The following RBFOX1 variants were observed in gnomAD, a reference collection of about 807,000 sequenced individuals.
RBFOX1 encodes RNA binding fox-1 homolog 1, also known as RNA binding protein fox-1 homolog 1.
Under a neutral mutation model 57.7 loss-of-function variants are expected in RBFOX1, and 8 were observed. The observed-to-expected ratio is 0.14, with a 90% confidence interval of 0.08 to 0.25. The LOEUF is 0.25. Ranked by LOEUF, RBFOX1 falls within the 10% of genes least tolerant of loss-of-function variation. The pLI, the probability that RBFOX1 is intolerant of heterozygous loss-of-function variation, is 1.00. For missense variants in RBFOX1, 611 were observed against 548.5 expected (o/e 1.11, Z -1.14); for synonymous variants, 326 against 222.4 (o/e 1.47, Z -4.15).
intron 1 of RBFOX1, among the ~76,000 whole-genome samples, chr16:6,164,299 A>T (rs560584408): frequency 6.6e-6 from 1 of 152,150 alleles, no homozygotes; most frequent in East Asian, 1.9e-4. Context: ...GCCTGATAAT[A>T]CTATAAATAA....
chr16:5,826,367 T>C (rs2056056068), intron 3 of RBFOX1, among the ~76,000 whole-genome samples: 1 of 152,162 alleles, frequency 6.6e-6, no homozygotes, highest in Admixed American at 6.5e-5. Context: ...TGTCCAGCTG[T>C]TTTCATTCCA....
rs549338440 is a variant in RBFOX1 at position 5,768,065 on chromosome 16, C to T, written c.319-99238C>T. 5.3e-5 allele frequency among the ~76,000 whole-genome samples: 8 copies of T among 152,314 alleles called. No individual in the cohort carries two copies. The East Asian group carries it at 1.5e-3, about 29-fold the overall frequency. On this transcript the variant is annotated intron_variant, in intron 3 of 19. Coordinates refer to the RBFOX1 transcript ENST00000641259. ...ATCCAAAAATAACCCATTTCTATTTCCAAGAGTAGACTGCATTTAAATAAG... is the reference window on the plus strand; with the variant it reads ...ATCCAAAAATAACCCATTTCTATTTTCAAGAGTAGACTGCATTTAAATAAG...
chr16:5,375,396 C>G (rs62017737), intron 1 of RBFOX1, among the ~76,000 whole-genome samples: 5,849 of 152,256 alleles, frequency 0.038, 173 homozygotes, highest in Middle Eastern at 0.075. Flanking sequence ...GAGACTGAAT[C>G]TCCAGGGCTT....
At chr16:6,784,804 C>T in intron 3 of RBFOX1, among the ~76,000 whole-genome samples, 1 of 151,778 alleles carries the variant, frequency 6.6e-6, no homozygotes, top group East Asian at 1.9e-4. Flanking sequence ...ATTTAGCCAT[C>T]TTGTTCCACC....
At chr16:5,871,662 A>C (rs1282285683) in intron 4 of RBFOX1, among the ~76,000 whole-genome samples, 1 of 152,160 alleles carries the variant, frequency 6.6e-6, no homozygotes, top group African/African-American at 2.4e-5. Context: ...CAAAGATCTG[A>C]GACCCAGCCC....
intron 2 of RBFOX1, among the ~76,000 whole-genome samples, chr16:5,583,099 C>G (rs1209513978): frequency 6.6e-6 from 1 of 152,224 alleles, no homozygotes; most frequent in Non-Finnish European, 1.5e-5. Flanking sequence ...ACTTTGAACC[C>G]TGGCAGTTTG....
chr16:6,909,737 G>T (rs975913636), intron 3 of RBFOX1, among the ~76,000 whole-genome samples: 2 of 151,364 alleles, frequency 1.3e-5, no homozygotes, highest in African/African-American at 4.9e-5. Context: ...GACTGTTGTT[G>T]GTTTCACTTT....
intron 2 of RBFOX1, among the ~76,000 whole-genome samples, chr16:6,643,482 G>T (rs916549863): frequency 3.9e-5 from 6 of 152,126 alleles, no homozygotes; most frequent in African/African-American, 1.4e-4. Flanking sequence ...AGACTCTGAA[G>T]AATTCTGCTG....
rs556221551 is a variant in RBFOX1, at chr16:6,091,023, C to T, written c.-127+71031C>T. 8.5e-5 allele frequency among the ~76,000 whole-genome samples: 13 copies of T among 152,322 alleles called. No homozygotes were observed. The East Asian group carries it at 1.9e-3, about 23-fold the overall frequency. On this transcript the variant is annotated intron_variant, in intron 1 of 15. Transcript: ENST00000550418. ...AAGTTAGGGTATTTAAGATATTCAT[C>T]GCTTTGAACATTGATCAATTCTTTC...
At chr16:5,956,551 G>C (rs759832338) in intron 4 of RBFOX1, among the ~76,000 whole-genome samples, 1 of 150,906 alleles carries the variant, frequency 6.6e-6, no homozygotes, top group African/African-American at 2.4e-5. Context: ...GATTAAGTTA[G>C]ATGTGGGGTG....
chr16:6,918,935 C>G lies in RBFOX1; in HGVS notation c.-15-133122C>G, dbSNP rs796910685. On this transcript the variant is annotated intron_variant, in intron 3 of 15. Coordinates refer to ENST00000550418, the MANE Select transcript of RBFOX1 (RefSeq NM_018723.4). ...TGGCTGTGATCTAGTTACGCAGGGTCCTATTTCAAACACCATTTCTCCATT... is the reference window on the plus strand; with the variant it reads ...TGGCTGTGATCTAGTTACGCAGGGTGCTATTTCAAACACCATTTCTCCATT... Among the ~76,000 whole-genome samples the G allele has an allele frequency of 2.0e-5, 3 of 152,000 alleles. No individual in the cohort carries two copies. The East Asian group carries it at 5.8e-4, about 29-fold the overall frequency.
At chr16:7,675,557 G>C (rs1036615230) in intron 13 of RBFOX1, among the ~76,000 whole-genome samples, 8 of 152,188 alleles carry the variant, frequency 5.3e-5, no homozygotes, top group African/African-American at 1.9e-4. Flanking sequence ...TATTTACTCT[G>C]AAAGTTAACT....
At chr16:7,523,844 C>T (rs1600824471) in intron 5 of RBFOX1, among the ~76,000 whole-genome samples, 2 of 152,160 alleles carry the variant, frequency 1.3e-5, no homozygotes, top group East Asian at 1.9e-4. Flanking sequence ...ACCAGCAGAA[C>T]GTGGTCTATG....
chr16:6,092,672 C>T (rs748566696), intron 1 of RBFOX1: 22 of 152,130 alleles, frequency 1.4e-4, no homozygotes, highest in Non-Finnish European at 2.8e-4. Flanking sequence ...TTATTTTTGT[C>T]AACTTTGTCG....
chr16:6,727,188 A>G (rs937801619), intron 3 of RBFOX1, among the ~76,000 whole-genome samples: 1 of 151,570 alleles, frequency 6.6e-6, no homozygotes, highest in Non-Finnish European at 1.5e-5. Context: ...AAGAGGTGAG[A>G]CTCACTATCC....
intron 1 of RBFOX1, among the ~76,000 whole-genome samples, chr16:5,386,903 T>C (rs2066274012): frequency 1.3e-5 from 2 of 152,006 alleles, no homozygotes; most frequent in South Asian, 4.1e-4. Flanking sequence ...ATACAAAAAT[T>C]AGCTGGGCGT....
At chr16:6,639,942 C>T (rs925832438) in intron 2 of RBFOX1, among the ~76,000 whole-genome samples, 1 of 152,108 alleles carries the variant, frequency 6.6e-6, no homozygotes, top group Admixed American at 6.6e-5. Context: ...GTATTTTGAC[C>T]CCTAACTATG....
At chr16:7,051,930 A>G in intron 3 of RBFOX1, 127 bp from the exon 4 acceptor site, 1 of 1,414,356 alleles carries the variant, frequency 7.1e-7, no homozygotes, top group Non-Finnish European at 9.5e-7. Flanking sequence ...AAGAAAAATT[A>G]AATACATAAT....
chr16:5,835,944 C>T (rs567567925), intron 3 of RBFOX1, among the ~76,000 whole-genome samples: 3 of 152,212 alleles, frequency 2.0e-5, no homozygotes, highest in Non-Finnish European at 2.9e-5. Flanking sequence ...CTTGGCGTCA[C>T]AGGGAAGTTG....
Sources: allele counts gnomAD v4.1 joint callset (sites outside exome capture counted in the v4.1 genomes callset), GRCh38; gene constraint gnomAD v4.1.1; transcripts MANE v1.5; gene names NCBI Gene and HGNC (gene_info 2026-07-23, HGNC 2026-07-21).